CCDC7: variants seen among roughly 807,000 people sequenced by gnomAD.
The protein encoded by CCDC7 is coiled-coil domain-containing protein 7.
In CCDC7, 183 loss-of-function variants were observed where a neutral mutation model predicts 196.9. That is an observed-to-expected ratio of 0.93 (90% CI 0.82 to 1.05). The LOEUF (loss-of-function observed/expected upper bound fraction) is 1.05. Ranked by LOEUF, CCDC7 falls within the 50% of genes least tolerant of loss-of-function variation. The pLI, the probability that CCDC7 is intolerant of heterozygous loss-of-function variation, is 0.00. For synonymous variants in CCDC7, 525 were observed against 484.6 expected, an observed-to-expected ratio of 1.08 and a Z score of -1.10; for missense variants, 1,540 against 1,482.2, an observed-to-expected ratio of 1.04 and a Z score of -0.64.
At chr10:32,667,686 T>C (rs1392751938) in intron 21 of CCDC7, among the ~76,000 whole-genome samples, 1 of 152,088 alleles carries the variant, frequency 6.6e-6, no homozygotes, top group African/African-American at 2.4e-5. Context: ...TGTAGATGTG[T>C]GGTATTATTT....
chr10:32,459,600 G>A (rs547475984), intron 3 of CCDC7, among the ~76,000 whole-genome samples: 2 of 136,178 alleles, frequency 1.5e-5, no homozygotes, highest in African/African-American at 5.4e-5. Context: ...GTTTTTCAGA[G>A]TTCTAACAAA....
At chr10:32,767,112 C>T (rs764099184) in intron 28 of CCDC7, among the ~76,000 whole-genome samples, 11 of 152,020 alleles carry the variant, frequency 7.2e-5, no homozygotes, top group Non-Finnish European at 1.6e-4. Context: ...GTGGAGAGGG[C>T]ACCAAGCCAT....
At chr10:32,559,117 G>A (rs2054894555) in intron 13 of CCDC7, among the ~76,000 whole-genome samples, 1 of 152,240 alleles carries the variant, frequency 6.6e-6, no homozygotes. Flanking sequence ...GCTGGGGGAG[G>A]GGCGCCCGCC....
At chr10:32,803,181 T>C (rs761399573) in intron 29 of CCDC7, among the ~76,000 whole-genome samples, 2 of 152,264 alleles carry the variant, frequency 1.3e-5, no homozygotes, top group Admixed American at 1.3e-4. Context: ...CACTTGATCT[T>C]AGCCAAAAGG....
At chr10:32,834,698 A>T (rs186895424) in intron 32 of CCDC7, 117 bp from the exon 34 acceptor site, 42 of 483,334 alleles carry the variant, frequency 8.7e-5, no homozygotes, top group African/African-American at 8.3e-4. Flanking sequence ...TTAATGACTG[A>T]TGCTAATTAA....
intron 20 of CCDC7, among the ~76,000 whole-genome samples, chr10:32,651,393 A>G (rs1591130834): frequency 6.6e-6 from 1 of 152,104 alleles, no homozygotes; most frequent in East Asian, 1.9e-4. Flanking sequence ...GATTGGTTCA[A>G]ATTATGTTGG....
chr10:32,688,089 C>A (rs1351196896), intron 22 of CCDC7, among the ~76,000 whole-genome samples: 1 of 151,988 alleles, frequency 6.6e-6, no homozygotes, highest in Non-Finnish European at 1.5e-5. Context: ...TCCCTGCCAC[C>A]CTTCCTCATC....
At chr10:32,539,084 G>A (rs1321577289) in intron 11 of CCDC7, among the ~76,000 whole-genome samples, 3 of 151,982 alleles carry the variant, frequency 2.0e-5, no homozygotes, top group Non-Finnish European at 4.4e-5. Flanking sequence ...AGTAGGAATG[G>A]CACCAGCGCT....
Position 32,546,894 on chromosome 10 carries a change from T to C in CCDC7, c.1134+2593T>C, listed in dbSNP as rs191858247. 1.7e-4 allele frequency among the ~76,000 whole-genome samples: 26 copies of C among 152,318 alleles called. No individual in the cohort carries two copies. The East Asian group carries it at 4.8e-3, about 28-fold the overall frequency. ...TGATAAACTTCAGTTCCTTGCAGTT[T>C]AGGGCTGAGGCACTTAACTTCTAGG... On this transcript the variant is annotated intron_variant, in intron 13 of 41. Coordinates refer to ENST00000639629, the Ensembl canonical transcript of CCDC7.
At chr10:32,861,130 A>AAAG (rs1555202651) in intron 41 of CCDC7, among the ~76,000 whole-genome samples, 3 of 149,092 alleles carry the variant, frequency 2.0e-5, no homozygotes, top group Admixed American at 6.7e-5. Flanking sequence ...AAAAAAAAAA[A>AAAG]AAAAGAAAGC....
downstream of CCDC7, among the ~76,000 whole-genome samples, chr10:32,879,146 C>G (rs1032818263): frequency 2.2e-4 from 33 of 151,942 alleles, no homozygotes; most frequent in African/African-American, 6.5e-4. Flanking sequence ...TTGCTGCACC[C>G]ATCAACCTTA....
At chr10:32,674,403 TC>T (rs1199036018) in intron 21 of CCDC7, among the ~76,000 whole-genome samples, 1 of 152,108 alleles carries the variant, frequency 6.6e-6, no homozygotes. Flanking sequence ...TTTCCATTTT[TC>T]TTTCATTACT....
chr10:32,665,125 T>C (rs1405633936), intron 21 of CCDC7, among the ~76,000 whole-genome samples: 1 of 152,092 alleles, frequency 6.6e-6, no homozygotes, highest in African/African-American at 2.4e-5. Flanking sequence ...GAGAAATGTC[T>C]ATTCAGATCC....
chr10:32,603,436 T>C (rs749670121), intron 18 of CCDC7, among the ~76,000 whole-genome samples: 5 of 152,142 alleles, frequency 3.3e-5, no homozygotes, highest in Non-Finnish European at 5.9e-5. Flanking sequence ...TCCTTTGATA[T>C]ACTGATTTCA....
chr10:32,694,320 TA>T (rs2077433174), intron 23 of CCDC7, among the ~76,000 whole-genome samples: 1 of 152,238 alleles, frequency 6.6e-6, no homozygotes, highest in South Asian at 2.1e-4. Context: ...GGTCTTTATT[TA>T]GAAGTTTGTG....
At chr10:32,820,030 G>A (rs539943344) in intron 31 of CCDC7, among the ~76,000 whole-genome samples, 110 of 152,222 alleles carry the variant, frequency 7.2e-4, no homozygotes, top group African/African-American at 2.4e-3. Flanking sequence ...CACATTGTCC[G>A]TGTTTGGAGA....
rs568391184 is a variant in CCDC7, at chr10:32,801,285, C to T, written c.3014-3730C>T. On this transcript the variant is annotated intron_variant, in intron 29 of 41. Transcript: ENST00000639629. ...TAATCCACTCTAGCATCCTGATCTC[C>T]TAAGACTTTGGATCTTTTTCTCTAC... is the stretch of plus-strand genomic sequence containing the variant. 4.6e-5 allele frequency among the ~76,000 whole-genome samples: 7 copies of T among 152,320 alleles called. No individual in the cohort carries two copies. The East Asian group carries it at 1.2e-3, about 25-fold the overall frequency.
At chr10:32,676,934 G>A (rs778038753) in intron 21 of CCDC7, among the ~76,000 whole-genome samples, 43 of 151,900 alleles carry the variant, frequency 2.8e-4, no homozygotes, top group Admixed American at 5.3e-4. Flanking sequence ...TATTTATTGC[G>A]GCACTATTCA....
chr10:32,701,686 A>T (rs1291966844), intron 24 of CCDC7, among the ~76,000 whole-genome samples: 1 of 152,102 alleles, frequency 6.6e-6, no homozygotes, highest in Non-Finnish European at 1.5e-5. Context: ...TTATTGCCTC[A>T]ATTTCAGAGC....
Sources: allele counts gnomAD v4.1 joint callset (sites outside exome capture counted in the v4.1 genomes callset), GRCh38; gene constraint gnomAD v4.1.1; transcripts MANE v1.5; gene names NCBI Gene and HGNC (gene_info 2026-07-23, HGNC 2026-07-21).